The following SDCCAG8 variants were observed in gnomAD, a reference collection of about 807,000 sequenced individuals.
SDCCAG8 encodes serologically defined colon cancer antigen 8.
Under a neutral mutation model 101.8 loss-of-function variants are expected in SDCCAG8, and 74 were observed. The ratio of observed to expected loss-of-function variants is 0.73; its 90% CI spans 0.60 to 0.88. The LOEUF (loss-of-function observed/expected upper bound fraction) is 0.88. Among genes scored for constraint, SDCCAG8 ranks in the 40% least tolerant of loss-of-function variants. SDCCAG8 has a pLI of 0.00. For synonymous variants in SDCCAG8, 281 were observed against 292.9 expected (o/e 0.96, Z 0.41); for missense variants, 787 against 822.6 (o/e 0.96, Z 0.53).
At chr1:243,381,971 G>A (rs552259636) in intron 13 of SDCCAG8, among the ~76,000 whole-genome samples, 1 of 152,310 alleles carries the variant, frequency 6.6e-6, no homozygotes, top group Admixed American at 6.5e-5. Context: ...GAGATATTTG[G>A]CAGCAATCTT....
intron 16 of SDCCAG8, among the ~76,000 whole-genome samples, chr1:243,460,705 A>C (rs1001681024): frequency 6.6e-6 from 1 of 152,078 alleles, no homozygotes; most frequent in African/African-American, 2.4e-5. Context: ...CATTGACTTA[A>C]CTCTATTTCG....
intron 10 of SDCCAG8, among the ~76,000 whole-genome samples, chr1:243,332,929 G>C (rs1020037232): frequency 6.6e-6 from 1 of 152,266 alleles, no homozygotes; most frequent in East Asian, 1.9e-4. Flanking sequence ...CAGGTGGGAA[G>C]TGATGGTATC....
intron 4 of SDCCAG8, among the ~76,000 whole-genome samples, chr1:243,275,632 C>T (rs937005888): frequency 6.6e-6 from 1 of 151,916 alleles, no homozygotes; most frequent in Non-Finnish European, 1.5e-5. Flanking sequence ...CTATTAATCC[C>T]TAAGATGTTG....
intron 16 of SDCCAG8, among the ~76,000 whole-genome samples, chr1:243,472,149 C>T (rs148401962): frequency 6.6e-6 from 1 of 152,302 alleles, no homozygotes; most frequent in African/African-American, 2.4e-5. Context: ...ATGGCACATG[C>T]AGTGCAGTGT....
chr1:243,262,405 C>T (rs2067264056), intron 1 of SDCCAG8, among the ~76,000 whole-genome samples: 1 of 152,132 alleles, frequency 6.6e-6, no homozygotes, highest in Non-Finnish European at 1.5e-5. Flanking sequence ...TGTGCCTGGC[C>T]TCATGTGGCT....
At chr1:243,273,679 G>C (rs1306106833) in intron 3 of SDCCAG8, among the ~76,000 whole-genome samples, 1 of 152,144 alleles carries the variant, frequency 6.6e-6, no homozygotes, top group East Asian at 1.9e-4. Flanking sequence ...GGCATCAAAC[G>C]CTTCCTAAAG....
chr1:243,459,205 G>T (rs1475772037), intron 16 of SDCCAG8, among the ~76,000 whole-genome samples: 1 of 152,156 alleles, frequency 6.6e-6, no homozygotes, highest in African/African-American at 2.4e-5. Flanking sequence ...GTCTTTCAAG[G>T]TTTCTTCCAA....
chr1:243,304,858 GT>G (rs1305029834), intron 7 of SDCCAG8, 81 bp downstream of exon 7: 26 of 882,286 alleles, frequency 2.9e-5, no homozygotes, highest in Middle Eastern at 4.4e-4. Context: ...TGAACTTCTA[GT>G]TTTAGTCATT....
chr1:243,378,814 A>G lies in SDCCAG8; in HGVS notation c.1567A>G (p.Arg523Gly). ...KAALAREECLRLTELLGESEH... is the reference protein window; with the variant it reads ...KAALAREECLGLTELLGESEH... ...AGCCCTGGCCAGAGAGGAGTGCCTG[A>G]GACTAACAGAACTGCTGGGCGAATC... Residue 523 changes from arginine to glycine, a missense_variant, in exon 13 of 18, where the codon AGA becomes GGA. By Grantham distance (125) the Arg-to-Gly change is moderately radical. Transcript: ENST00000366541. The G allele has an allele frequency of 6.2e-7, 1 of 1,614,132 alleles. No homozygotes were observed. Among genetic ancestry groups the G allele is most frequent in the Non-Finnish European group, 8.5e-7 (1 of 1,180,000 alleles).
intron 13 of SDCCAG8, among the ~76,000 whole-genome samples, chr1:243,380,131 A>T (rs914336390): frequency 6.6e-6 from 1 of 152,352 alleles, no homozygotes; most frequent in East Asian, 1.9e-4. Context: ...TTATTAATAC[A>T]TGTCTGGTAT....
chr1:243,393,069 T>C (rs1364784189), intron 13 of SDCCAG8, among the ~76,000 whole-genome samples: 1 of 152,172 alleles, frequency 6.6e-6, no homozygotes. Context: ...GAGTAAAATC[T>C]GTGAGCAACA....
intron 16 of SDCCAG8, among the ~76,000 whole-genome samples, chr1:243,468,416 C>A (rs368104272): frequency 6.6e-6 from 1 of 152,126 alleles, no homozygotes; most frequent in South Asian, 2.1e-4. Context: ...TGGGGTTTCA[C>A]CATATTGGTC....
intron 12 of SDCCAG8, among the ~76,000 whole-genome samples, chr1:243,365,834 A>G (rs376243822): frequency 6.6e-6 from 1 of 152,124 alleles, no homozygotes; most frequent in African/African-American, 2.4e-5. Flanking sequence ...GCCTGCATGT[A>G]TGTTGATTTT....
chr1:243,317,924 T>C (rs2073405325), intron 9 of SDCCAG8: 6 of 399,284 alleles, frequency 1.5e-5, no homozygotes, highest in South Asian at 1.1e-4. Context: ...GTCTAAACCA[T>C]ATATGAATCT....
intron 8 of SDCCAG8, among the ~76,000 whole-genome samples, chr1:243,309,908 G>T (rs1379754258): frequency 6.6e-6 from 1 of 152,128 alleles, no homozygotes; most frequent in East Asian, 1.9e-4. Context: ...TCTGTTGCCA[G>T]GCTGGAGTGC....
chr1:243,353,489 T>TAAAAAAAAAAAAAA (rs2076204917), intron 12 of SDCCAG8, among the ~76,000 whole-genome samples: 1 of 5,152 alleles, frequency 1.9e-4, no homozygotes, highest in Non-Finnish European at 4.6e-4. Context: ...AGATTCCATC[T>TAAAAAAAAAAAAAA]CAAAAAAAAA....
At chr1:243,361,245 G>A (rs2076694432) in intron 12 of SDCCAG8, among the ~76,000 whole-genome samples, 1 of 152,132 alleles carries the variant, frequency 6.6e-6, no homozygotes, top group Non-Finnish European at 1.5e-5. Context: ...TCAAGTCATC[G>A]CTGAAATCAT....
At position 243,308,073 on chromosome 1, in the gene SDCCAG8, T is replaced by C; in HGVS notation, c.825T>C (p.Thr275=). The change falls in exon 8 of 18, where the codon ACT becomes ACC. Residue 275 remains threonine, a synonymous_variant. Coordinates refer to ENST00000366541, the MANE Select transcript of SDCCAG8 (RefSeq NM_006642.5). ...AAGAATTTCTTCTGGCTGCTAATAC[T>C]TGTAACCGTGTTGGTGGTCTTTGTT... ...KHKEFLLAAN[T]CNRVGGLCLK... 6.2e-7 allele frequency: 1 copy of C among 1,614,222 alleles called. No homozygotes were observed.
intron 13 of SDCCAG8, among the ~76,000 whole-genome samples, chr1:243,415,163 A>G (rs1211375109): frequency 1.3e-5 from 2 of 152,098 alleles, no homozygotes; most frequent in African/African-American, 2.4e-5. Flanking sequence ...TATTCACATT[A>G]TATGGCCTGA....
Sources: allele counts gnomAD v4.1 joint callset (sites outside exome capture counted in the v4.1 genomes callset), GRCh38; gene constraint gnomAD v4.1.1; transcripts MANE v1.5; gene names NCBI Gene and HGNC (gene_info 2026-07-23, HGNC 2026-07-21).